TNFRSF1B: variants seen among roughly 807,000 people sequenced by gnomAD.
TNFRSF1B encodes the protein TNF receptor superfamily member 1B.
In TNFRSF1B, 19 loss-of-function variants were observed where a neutral mutation model predicts 44.6. The ratio of observed to expected loss-of-function variants is 0.43; its 90% CI spans 0.30 to 0.62. The LOEUF is 0.62. Among genes scored for constraint, TNFRSF1B ranks in the 20% least tolerant of loss-of-function variants. The probability of loss-of-function intolerance (pLI) is 0.16; values close to 1 mark genes in which losing one functional copy is unlikely to be tolerated. For missense variants in TNFRSF1B, 541 were observed against 619.9 expected (o/e 0.87, Z 1.35); for synonymous variants, 252 against 261.1 (o/e 0.97, Z 0.34).
rs542438103 is a variant in TNFRSF1B at position 12,199,448 on chromosome 1, A to G, written c.901-2519A>G. ...GCTCCTGCCACGGACCAGCTGTGTG[A>G]TGCTGGGCACAGGATGCACTTTCTC... On this transcript the variant is annotated intron_variant, in intron 8 of 9. Transcript: ENST00000376259. The surrounding 1 kb of genome is among the most constrained non-coding windows in gnomAD (Gnocchi z 4.0). 5.9e-5 allele frequency among the ~76,000 whole-genome samples: 9 copies of G among 152,332 alleles called. No individual in the cohort carries two copies. The South Asian group carries it at 1.7e-3, about 28-fold the overall frequency.
intron 8 of TNFRSF1B, 51 bp downstream of exon 8, chr1:12,194,669 C>T (rs376645874): frequency 3.9e-5 from 62 of 1,604,502 alleles, no homozygotes; most frequent in Non-Finnish European, 5.0e-5. Context: ...TCCTTCCCGG[C>T]GTGCTGGGCT....
rs910036128 is a variant in TNFRSF1B at position 12,209,064 on chromosome 1, G to A, written c.*2044G>A. On this transcript the variant is annotated 3_prime_UTR_variant, in exon 10 of 10. Transcript: ENST00000376259. ...GTGGACAGTCCTGGGAGAACCTCAGGCTTCCTTGGCATCACAGGGCAGAGC... is the reference window on the plus strand; with the variant it reads ...GTGGACAGTCCTGGGAGAACCTCAGACTTCCTTGGCATCACAGGGCAGAGC... 6.6e-6 allele frequency: 1 copy of A among 152,292 alleles called. No homozygotes were observed. The allele number at this position is 152,292 out of a possible 1,614,324, so 9.4% of individuals were successfully genotyped here. A position where few individuals can be genotyped will look rare whatever the true frequency, so the allele number is the denominator to read the frequency against.
Position 12,208,927 on chromosome 1 carries a change from C to G in TNFRSF1B, c.*1907C>G. 1 of 152,362 alleles carries G rather than the reference C, an allele frequency of 6.6e-6. No individual in the cohort carries two copies. Among genetic ancestry groups the G allele is most frequent in the Non-Finnish European group, 1.5e-5 (1 of 68,118 alleles). 9.4% of individuals were successfully genotyped at this position (152,362 alleles called of 1,614,324 possible). A position where few individuals can be genotyped will look rare whatever the true frequency, so the allele number is the denominator to read the frequency against. Reference sequence around the variant, plus strand: ...CGCCACTACACTCCAGCCTGAGCAACAGAGTGAGACCCTGTCTCTTAAAGA... The same window carrying G: ...CGCCACTACACTCCAGCCTGAGCAAGAGAGTGAGACCCTGTCTCTTAAAGA... On this transcript the variant is annotated 3_prime_UTR_variant, in exon 10 of 10. Transcript: ENST00000376259.
chr1:12,202,228 G>C, intron 9 of TNFRSF1B, 57 bp downstream of exon 9: 1 of 1,528,238 alleles, frequency 6.5e-7, no homozygotes, highest in East Asian at 2.5e-5. Flanking sequence ...TTTCTCACCT[G>C]GTTTCTGTCT....
At chr1:12,197,240 G>A (rs991567383) in intron 8 of TNFRSF1B, among the ~76,000 whole-genome samples, 1 of 152,190 alleles carries the variant, frequency 6.6e-6, no homozygotes, top group Non-Finnish European at 1.5e-5. Flanking sequence ...AAGCCACCAC[G>A]CCTGGCCCCT....
intron 2 of TNFRSF1B, among the ~76,000 whole-genome samples, chr1:12,189,402 GC>G (rs1263563903): frequency 6.6e-6 from 1 of 152,184 alleles, no homozygotes; most frequent in East Asian, 1.9e-4. Context: ...CTTGTTTTCT[GC>G]TGAATCCCCA....
At chr1:12,202,321 T>G in intron 9 of TNFRSF1B, 150 bp downstream of exon 9, 1 of 1,282,878 alleles carries the variant, frequency 7.8e-7, no homozygotes, top group Non-Finnish European at 1.0e-6. Context: ...TGAACCTAAG[T>G]TCCCTCCCGC....
intron 1 of TNFRSF1B, among the ~76,000 whole-genome samples, chr1:12,183,667 TCTATCTA>T (rs1638872380): frequency 1.8e-5 from 2 of 113,400 alleles, no homozygotes; most frequent in South Asian, 6.5e-4. Flanking sequence ...TATCTATCTA[TCTATCTA>T]TCTATCTATC....
At chr1:12,194,863 C>A (rs1639232725) in intron 8 of TNFRSF1B, among the ~76,000 whole-genome samples, 1 of 152,188 alleles carries the variant, frequency 6.6e-6, no homozygotes, top group Admixed American at 6.5e-5. Flanking sequence ...GGCACGTGGT[C>A]GTGGACCCAC....
rs1639413522 is a variant in TNFRSF1B, at chr1:12,202,364, C to T, written c.1105+193C>T. ...CATGCTGGGCCTATCACCTCAAAAT[C>T]CTCCCTTCTGTGGGACAACCCCAGC... On this transcript the variant is annotated intron_variant, in intron 9 of 9. Coordinates refer to ENST00000376259, the MANE Select transcript of TNFRSF1B (RefSeq NM_001066.3). Among the ~76,000 whole-genome samples, 7 of 152,360 alleles carry T rather than the reference C, an allele frequency of 4.6e-5. No individual in the cohort carries two copies. In the South Asian group the frequency reaches 1.4e-3, roughly 32 times the overall value.
At chr1:12,183,748 T>TCTATCTATCTATCTATCTATCTAGCTAG (rs1279334157) in intron 1 of TNFRSF1B, among the ~76,000 whole-genome samples, 1 of 117,026 alleles carries the variant, frequency 8.5e-6, no homozygotes, top group Non-Finnish European at 1.9e-5. Context: ...TATCTATCTA[T>TCTATCTATCTATCTATCTATCTAGCTAG]CTAGCTAGCT....
At chr1:12,189,947 T>C (rs5746011) in intron 2 of TNFRSF1B, among the ~76,000 whole-genome samples, 3,374 of 151,856 alleles carry the variant, frequency 0.022, 47 homozygotes, top group Non-Finnish European at 0.035. Context: ...GTTTGGTGAG[T>C]TGGAGGAACA....
At position 12,180,992 on chromosome 1, in the gene TNFRSF1B, T is replaced by G. The variant is rs1378621308; in HGVS notation, c.79-7804T>G. Among the ~76,000 whole-genome samples the G allele has an allele frequency of 3.9e-5, 6 of 152,156 alleles. No individual in the cohort carries two copies. The highest frequency in any genetic ancestry group is 8.8e-5 in the Non-Finnish European group (6 of 68,014). On this transcript the variant is annotated intron_variant, in intron 1 of 9. Coordinates refer to ENST00000376259, the MANE Select transcript of TNFRSF1B (RefSeq NM_001066.3). The surrounding 1 kb of genome is among the most constrained non-coding windows in gnomAD (Gnocchi z 4.3). Reference sequence around the variant, plus strand: ...GTCAAGGAGGACCACATCTGGCCTGTTGCACTCTTCTCCTTTGCCCCACCG... The same window carrying G: ...GTCAAGGAGGACCACATCTGGCCTGGTGCACTCTTCTCCTTTGCCCCACCG...
intron 1 of TNFRSF1B, among the ~76,000 whole-genome samples, chr1:12,185,198 T>TGAGCCCCCTCCGCCAC (rs1214196861): frequency 6.6e-6 from 1 of 152,216 alleles, no homozygotes; most frequent in Non-Finnish European, 1.5e-5. Flanking sequence ...GTCTCGGCCA[T>TGAGCCCCCTCCGCCAC]GAGCCCCCTC....
intron 9 of TNFRSF1B, among the ~76,000 whole-genome samples, chr1:12,203,876 T>C (rs779563015): frequency 6.6e-6 from 1 of 152,232 alleles, no homozygotes; most frequent in Non-Finnish European, 1.5e-5. Context: ...ATTACAGGCA[T>C]GTGCCATCAC....
At chr1:12,202,465 C>G (rs1233063337) in intron 9 of TNFRSF1B, among the ~76,000 whole-genome samples, 1 of 152,188 alleles carries the variant, frequency 6.6e-6, no homozygotes, top group African/African-American at 2.4e-5. Context: ...GCTGGCCTGG[C>G]TGCTCCTCCG....
intron 1 of TNFRSF1B, among the ~76,000 whole-genome samples, chr1:12,172,179 G>A (rs548498784): frequency 5.3e-5 from 8 of 152,274 alleles, no homozygotes; most frequent in African/African-American, 1.2e-4. Context: ...TTGGGGTGCC[G>A]GGGATGAACA....
intron 8 of TNFRSF1B, among the ~76,000 whole-genome samples, chr1:12,196,121 T>G (rs1384623399): frequency 2.0e-5 from 3 of 152,032 alleles, no homozygotes; most frequent in Non-Finnish European, 4.4e-5. Flanking sequence ...GCCATCATGG[T>G]AAAACCCCAT....
intron 8 of TNFRSF1B, among the ~76,000 whole-genome samples, chr1:12,198,691 G>GTTTTTTTTTTGT (rs71568395): frequency 1.2e-5 from 1 of 85,652 alleles, no homozygotes; most frequent in East Asian, 3.3e-4. Context: ...CTGGAATTCT[G>GTTTTTTTTTTGT]TTTTTTTTTT....
Sources: allele counts gnomAD v4.1 joint callset (sites outside exome capture counted in the v4.1 genomes callset), GRCh38; gene constraint gnomAD v4.1.1; non-coding constraint Gnocchi (gnomAD v3.1); transcripts MANE v1.5; gene names NCBI Gene and HGNC (gene_info 2026-07-23, HGNC 2026-07-21).